Variants in ZBTB46 observed in about 807,000 individuals in gnomAD.
ZBTB46 encodes the protein zinc finger and BTB domain containing 46, also known as zinc finger and BTB domain-containing protein 46.
Under a neutral mutation model 44.1 loss-of-function variants are expected in ZBTB46, and 8 were observed. The observed-to-expected ratio is 0.18, with a 90% CI of 0.11 to 0.33. ZBTB46 has a LOEUF of 0.33. Among genes scored for constraint, ZBTB46 ranks in the 10% least tolerant of loss-of-function variants. ZBTB46 has a pLI of 1.00. For missense variants in ZBTB46, 651 were observed against 847.7 expected (o/e 0.77, Z 2.88); for synonymous variants, 409 against 382.3 (o/e 1.07, Z -0.81).
chr20:63,821,767 G>A (rs574766832), intron 1 of ZBTB46, among the ~76,000 whole-genome samples: 1 of 152,220 alleles, frequency 6.6e-6, no homozygotes, highest in South Asian at 2.1e-4. Flanking sequence ...TTTTAATAAG[G>A]TGATGCTAAA....
At chr20:63,770,712 C>T (rs1444204927) in intron 3 of ZBTB46, among the ~76,000 whole-genome samples, 2 of 152,184 alleles carry the variant, frequency 1.3e-5, no homozygotes, top group Non-Finnish European at 2.9e-5. Flanking sequence ...GTTTGTTGAA[C>T]CACGGCGCAT....
intron 3 of ZBTB46, among the ~76,000 whole-genome samples, chr20:63,757,751 G>A (rs2092233860): frequency 6.6e-6 from 1 of 152,300 alleles, no homozygotes; most frequent in Admixed American, 6.5e-5. Context: ...CCAGTTCCTA[G>A]AGATAGCAGT....
intron 1 of ZBTB46, among the ~76,000 whole-genome samples, chr20:63,830,405 C>G (rs972891334): frequency 2.6e-5 from 4 of 151,084 alleles, no homozygotes; most frequent in South Asian, 2.1e-4. Context: ...CCGCCCCGCG[C>G]GCCCCGAGCC....
At chr20:63,833,326 T>C (rs954670547), upstream of ZBTB46, among the ~76,000 whole-genome samples, 2 of 152,206 alleles carry the variant, frequency 1.3e-5, no homozygotes. Flanking sequence ...GCGCGGTGTC[T>C]CACGCCTGTA....
chr20:63,763,920 A>G (rs2092297269), intron 3 of ZBTB46, among the ~76,000 whole-genome samples: 1 of 151,916 alleles, frequency 6.6e-6, no homozygotes, highest in African/African-American at 2.4e-5. Flanking sequence ...AATCAAGATT[A>G]TTTTCTATTA....
At chr20:63,754,134 C>T (rs919164632) in intron 3 of ZBTB46, among the ~76,000 whole-genome samples, 2 of 152,216 alleles carry the variant, frequency 1.3e-5, no homozygotes, top group African/African-American at 4.8e-5. Flanking sequence ...CCGGAGGCCC[C>T]GCCTGGCACG....
At chr20:63,749,836 C>T (rs2092144035) in intron 4 of ZBTB46, among the ~76,000 whole-genome samples, 1 of 152,230 alleles carries the variant, frequency 6.6e-6, no homozygotes, top group African/African-American at 2.4e-5. Context: ...GCAGGGGCAG[C>T]TTGGGGTGGC....
chr20:63,821,670 A>G (rs926947376), intron 1 of ZBTB46, among the ~76,000 whole-genome samples: 3 of 151,244 alleles, frequency 2.0e-5, no homozygotes, highest in Non-Finnish European at 4.4e-5. Flanking sequence ...CTAGTCTCAA[A>G]CTCCTGACCT....
At chr20:63,782,993 G>A (rs1256448675) in intron 2 of ZBTB46, among the ~76,000 whole-genome samples, 1 of 152,222 alleles carries the variant, frequency 6.6e-6, no homozygotes, top group Non-Finnish European at 1.5e-5. Flanking sequence ...AGCCAGGCGT[G>A]GTGGCGCACG....
Position 63,747,169 on chromosome 20 carries a change from C to G in ZBTB46, c.1531G>C (p.Gly511Arg), listed in dbSNP as rs560993615. The change falls in exon 5 of 5, where the codon GGG becomes CGG. Residue 511 changes from glycine to arginine, a missense_variant. Gly to Arg is a moderately radical substitution (Grantham distance 125). This residue lies in a region of ZBTB46 where 75 missense variants were observed against 107.8 expected (regional missense o/e 0.70). Transcript: ENST00000245663. ...CTDCAGRGMA[G>R]PLDHGGGGGE... ...CCTCCGCCGCCATGGTCCAGGGGCC[C>G]GGCCATGCCGCGGCCAGCACAGTCG... 6.2e-7 allele frequency: 1 copy of G among 1,609,374 alleles called. No individual in the cohort carries two copies. The highest frequency in any genetic ancestry group is 1.1e-5 in the South Asian group (1 of 90,828).
At chr20:63,802,838 C>T (rs973080781) in intron 1 of ZBTB46, among the ~76,000 whole-genome samples, 1 of 143,268 alleles carries the variant, frequency 7.0e-6, no homozygotes, top group Non-Finnish European at 1.5e-5. Context: ...GGAACCGCCG[C>T]GGCCGACGAC....
At chr20:63,814,594 A>G (rs2092737434) in intron 1 of ZBTB46, among the ~76,000 whole-genome samples, 1 of 152,062 alleles carries the variant, frequency 6.6e-6, no homozygotes, top group South Asian at 2.1e-4. Flanking sequence ...TCCCACCCCC[A>G]GGCAAGGGTC....
intron 3 of ZBTB46, among the ~76,000 whole-genome samples, chr20:63,766,963 C>G (rs890033610): frequency 6.6e-6 from 1 of 152,190 alleles, no homozygotes; most frequent in Non-Finnish European, 1.5e-5. Context: ...GGATGCCTAT[C>G]CCCCTCCTGA....
intron 1 of ZBTB46, among the ~76,000 whole-genome samples, chr20:63,817,104 T>C (rs2092763211): frequency 7.2e-6 from 1 of 138,438 alleles, no homozygotes; most frequent in Non-Finnish European, 1.5e-5. Flanking sequence ...AAACTCAGTC[T>C]CAAAAAAAAA....
chr20:63,778,694 AGG>A (rs776380406), intron 2 of ZBTB46, among the ~76,000 whole-genome samples: 1 of 152,202 alleles, frequency 6.6e-6, no homozygotes, highest in Non-Finnish European at 1.5e-5. Flanking sequence ...GAGGCCTCTA[AGG>A]GATATGTTTC....
intron 1 of ZBTB46, among the ~76,000 whole-genome samples, chr20:63,809,651 G>A (rs2092706669): frequency 6.6e-6 from 1 of 152,192 alleles, no homozygotes; most frequent in Admixed American, 6.5e-5. Flanking sequence ...AAAGACACGT[G>A]CTTAACTCTG....
rs532051172 is a variant in ZBTB46, at chr20:63,775,903, G to A, written c.997C>T (p.Leu333Phe). Residue 333 changes from leucine to phenylalanine, a missense_variant, in exon 3 of 5, where the codon CTC becomes TTC. Leu to Phe is a conservative substitution (Grantham distance 22). This residue lies in a region of ZBTB46 where 385 missense variants were observed against 423.3 expected (regional missense o/e 0.91). Coordinates refer to ENST00000245663, the MANE Select transcript of ZBTB46 (RefSeq NM_001369741.1). ...SSDSRGERAE[L>F]YAQVEEGLLG... ...AGACCCTCCTCCACCTGTGCATAGAGCTCGGCCCTCTCTCCTCGGCTGTCG... is the reference window on the plus strand; with the variant it reads ...AGACCCTCCTCCACCTGTGCATAGAACTCGGCCCTCTCTCCTCGGCTGTCG... 5 of 1,606,796 alleles carry A rather than the reference G, an allele frequency of 3.1e-6. No homozygotes were observed. The East Asian group carries it at 1.1e-4, about 36-fold the overall frequency.
In ZBTB46 at chr20:63,803,201, C is replaced by T. The variant is rs1011342194; in HGVS notation, c.-33-12411G>A. 4.2e-5 allele frequency: 26 copies of T among 612,398 alleles called. No individual in the cohort carries two copies. The highest frequency in any genetic ancestry group is 6.3e-5 in the Admixed American group (1 of 15,814). 37.9% of individuals were successfully genotyped at this position (612,398 alleles called of 1,614,324 possible). On this transcript the variant is annotated intron_variant, in intron 1 of 4. Transcript: ENST00000245663. The surrounding 1 kb of genome is among the most constrained non-coding windows in gnomAD (Gnocchi z 4.0). ...CCAGTGTGGGCACCATCCCCCAGGG[C>T]GCCTCACCAGCAGGAACCAGGCACC...
At chr20:63,768,009 G>T (rs2092335203) in intron 3 of ZBTB46, 2 of 985,482 alleles carry the variant, frequency 2.0e-6, no homozygotes, top group Non-Finnish European at 2.4e-6. Context: ...ACAAGTTACA[G>T]ACCGTCAGGA....
Sources: gnomAD v4.1 joint callset for allele counts (sites outside exome capture counted in the v4.1 genomes callset) on GRCh38, gnomAD v4.1.1 for gene constraint, gnomAD v4.1.1 regional missense constraint, Gnocchi (gnomAD v3.1) non-coding constraint, MANE v1.5 for transcripts, NCBI Gene and HGNC (gene_info 2026-07-23, HGNC 2026-07-21) for gene names.